Variants in AGBL4 observed in about 807,000 individuals in gnomAD.
AGBL4 encodes AGBL carboxypeptidase 4.
AGBL4 carries 58 observed loss-of-function variants against 66.4 expected under a neutral mutation model. The ratio of observed to expected loss-of-function variants is 0.87; its 90% CI spans 0.71 to 1.09. The LOEUF is 1.09. AGBL4 is among the 50% of genes least tolerant of loss of function. The pLI is 0.00. For synonymous variants in AGBL4, 234 were observed against 222.9 expected (o/e 1.05, Z -0.44); for missense variants, 579 against 631.0 (o/e 0.92, Z 0.88).
chr1:49,894,394 A>T (rs12022125), intron 1 of AGBL4, among the ~76,000 whole-genome samples: 1 of 151,876 alleles, frequency 6.6e-6, no homozygotes, highest in Non-Finnish European at 1.5e-5. Flanking sequence ...CTAGGGATCA[A>T]TTCTGAAGAA....
intron 9 of AGBL4, among the ~76,000 whole-genome samples, chr1:48,612,511 T>C (rs2148382692): frequency 6.6e-6 from 1 of 152,330 alleles, no homozygotes; most frequent in South Asian, 2.1e-4. Context: ...CAGGGAGGCT[T>C]CTTTCTACAG....
intron 5 of AGBL4, among the ~76,000 whole-genome samples, chr1:48,997,024 G>A (rs1661067378): frequency 6.6e-6 from 1 of 152,114 alleles, no homozygotes; most frequent in Non-Finnish European, 1.5e-5. Flanking sequence ...AGGGGTTCAA[G>A]CAATTCTCTT....
chr1:49,020,385 G>T (rs1663156722), intron 5 of AGBL4, among the ~76,000 whole-genome samples: 1 of 152,176 alleles, frequency 6.6e-6, no homozygotes, highest in East Asian at 1.9e-4. Flanking sequence ...GCCATCCTGT[G>T]GTACCCTTGA....
At chr1:49,933,729 A>T (rs1653616041) in intron 1 of AGBL4, among the ~76,000 whole-genome samples, 1 of 152,134 alleles carries the variant, frequency 6.6e-6, no homozygotes, top group Admixed American at 6.5e-5. Flanking sequence ...TTGTAACTAC[A>T]GAATATTTTA....
At chr1:49,012,202 C>T (rs1241169926) in intron 5 of AGBL4, among the ~76,000 whole-genome samples, 7 of 151,748 alleles carry the variant, frequency 4.6e-5, no homozygotes, top group Non-Finnish European at 8.8e-5. Flanking sequence ...TCTTTTTGCT[C>T]GAATATAAAG....
intron 10 of AGBL4, among the ~76,000 whole-genome samples, chr1:48,588,656 AGTGTGTGT>A (rs57683318): frequency 3.4e-5 from 5 of 147,518 alleles, no homozygotes; most frequent in African/African-American, 5.0e-5. Context: ...GAAACAGAGA[AGTGTGTGT>A]GTGTGTGTGT....
chr1:48,982,988 G>A (rs1315446965), intron 5 of AGBL4, among the ~76,000 whole-genome samples: 1 of 152,164 alleles, frequency 6.6e-6, no homozygotes, highest in Non-Finnish European at 1.5e-5. Context: ...ACAAGAGAGT[G>A]ACAGGGTAAA....
intron 1 of AGBL4, among the ~76,000 whole-genome samples, chr1:49,862,641 A>G (rs1443193072): frequency 6.6e-6 from 1 of 152,204 alleles, no homozygotes; most frequent in East Asian, 1.9e-4. Flanking sequence ...CCCTAAAAGC[A>G]GCAAGAGAAA....
rs538685226 is a variant in AGBL4, at chr1:48,772,809, G to A, written c.634+94382C>T. The stretch of plus-strand genomic sequence containing the variant: ...GACCTGAATGCAGGCAGTGATGGTG[G>A]AGCTGGAAAAGAAAAACTTAAAAGA... On this transcript the variant is annotated intron_variant, in intron 6 of 13. Coordinates refer to ENST00000371839, the MANE Select transcript of AGBL4 (RefSeq NM_032785.4). 9.1e-4 allele frequency among the ~76,000 whole-genome samples: 138 copies of A among 152,298 alleles called. 4 individuals carry two copies. The South Asian group carries it at 0.028, about 31-fold the overall frequency.
chr1:49,004,530 A>G (rs1661633306), intron 5 of AGBL4, among the ~76,000 whole-genome samples: 1 of 152,080 alleles, frequency 6.6e-6, no homozygotes, highest in South Asian at 2.1e-4. Context: ...GGAACATCTC[A>G]TCTATACCAA....
chr1:49,720,835 G>A (rs1403980758), intron 2 of AGBL4, among the ~76,000 whole-genome samples: 1 of 152,100 alleles, frequency 6.6e-6, no homozygotes, highest in African/African-American at 2.4e-5. Context: ...TAACATATCC[G>A]GGGTTGCAAG....
intron 4 of AGBL4, among the ~76,000 whole-genome samples, chr1:49,065,754 G>T (rs913222042): frequency 2.0e-5 from 3 of 152,134 alleles, no homozygotes; most frequent in Non-Finnish European, 2.9e-5. Flanking sequence ...AGAAGTGTCC[G>T]CTAAAATAGA....
chr1:48,704,743 C>A (rs886209614), intron 6 of AGBL4, among the ~76,000 whole-genome samples: 1 of 152,108 alleles, frequency 6.6e-6, no homozygotes, highest in Non-Finnish European at 1.5e-5. Flanking sequence ...GATAACAATG[C>A]CTTCTGGAAT....
intron 6 of AGBL4, among the ~76,000 whole-genome samples, chr1:48,762,222 C>T (rs998265331): frequency 5.3e-5 from 8 of 152,116 alleles, no homozygotes; most frequent in African/African-American, 1.7e-4. Context: ...CGTGTGCTCA[C>T]GACACATACT....
intron 4 of AGBL4, among the ~76,000 whole-genome samples, chr1:49,212,820 T>C (rs1648774533): frequency 6.6e-6 from 1 of 152,142 alleles, no homozygotes; most frequent in African/African-American, 2.4e-5. Flanking sequence ...AAACTTATAA[T>C]TGAGTTTTCT....
At position 48,742,745 on chromosome 1, in the gene AGBL4, T is replaced by G. The variant is rs753895119; in HGVS notation, c.635-79504A>C. The G allele has an allele frequency of 6.2e-6, 10 of 1,604,776 alleles. No homozygotes were observed. The East Asian group carries it at 2.0e-4, about 33-fold the overall frequency. ...GGCTCGGGCTCGAGACATTCTGACTTTACTTTTTCCAGATCAATGGCGGGA... is the reference window on the plus strand; with the variant it reads ...GGCTCGGGCTCGAGACATTCTGACTGTACTTTTTCCAGATCAATGGCGGGA... On this transcript the variant is annotated intron_variant, in intron 6 of 13. Coordinates refer to ENST00000371839, the MANE Select transcript of AGBL4 (RefSeq NM_032785.4).
chr1:49,239,006 G>A lies in AGBL4; in HGVS notation c.377+6764C>T, dbSNP rs138055152. ...AAATGCTGTGTATAGTTTTAGCTGC[G>A]CTCTAGAAATAGAGGGAAGTATGTC... is the stretch of plus-strand genomic sequence containing the variant. On this transcript the variant is annotated intron_variant, in intron 4 of 13. Coordinates refer to ENST00000371839, the MANE Select transcript of AGBL4 (RefSeq NM_032785.4). 1.7e-3 allele frequency among the ~76,000 whole-genome samples: 252 copies of A among 152,152 alleles called. 4 individuals carry two copies. The highest frequency in any genetic ancestry group is 5.7e-3 in the African/African-American group (236 of 41,502).
intron 6 of AGBL4, among the ~76,000 whole-genome samples, chr1:48,849,828 C>T (rs1418407724): frequency 6.6e-6 from 1 of 152,176 alleles, no homozygotes; most frequent in East Asian, 1.9e-4. Flanking sequence ...TAAAAATTAG[C>T]TGGGTGTGGT....
chr1:49,806,425 T>C (rs1644978460), intron 2 of AGBL4, among the ~76,000 whole-genome samples: 1 of 152,192 alleles, frequency 6.6e-6, no homozygotes, highest in Non-Finnish European at 1.5e-5. Context: ...AAATACAACA[T>C]TTGGCTAAAG....
Sources: gnomAD v4.1 joint callset for allele counts (sites outside exome capture counted in the v4.1 genomes callset) on GRCh38, gnomAD v4.1.1 for gene constraint, MANE v1.5 for transcripts, NCBI Gene and HGNC (gene_info 2026-07-23, HGNC 2026-07-21) for gene names.